PCLO: variants seen among roughly 807,000 people sequenced by gnomAD.
PCLO encodes the protein piccolo presynaptic cytomatrix protein.
Under a neutral mutation model 427.5 loss-of-function variants are expected in PCLO, and 82 were observed. That is an observed-to-expected ratio of 0.19 (90% CI 0.16 to 0.23). PCLO has a LOEUF of 0.23. Among genes scored for constraint, PCLO ranks in the 10% least tolerant of loss-of-function variants. PCLO has a pLI of 1.00. For missense variants in PCLO, 6,239 were observed against 6,115.9 expected (o/e 1.02, Z -0.67); for synonymous variants, 2,357 against 2,155.4 (o/e 1.09, Z -2.59).
intron 3 of PCLO, among the ~76,000 whole-genome samples, chr7:83,084,027 AGATGAAGGCTG>A (rs1460782967): frequency 6.6e-6 from 1 of 152,160 alleles, no homozygotes; most frequent in Non-Finnish European, 1.5e-5. Flanking sequence ...GGAAAGATGA[AGATGAAGGCTG>A]GATGAAGATG....
intron 3 of PCLO, among the ~76,000 whole-genome samples, chr7:83,046,943 T>G (rs1789118684): frequency 1.3e-5 from 2 of 152,030 alleles, no homozygotes; most frequent in South Asian, 4.1e-4. Flanking sequence ...ACAAACTTAT[T>G]GAAGTAGCAC....
intron 10 of PCLO, among the ~76,000 whole-genome samples, chr7:82,864,871 A>C (rs1414723529): frequency 6.6e-6 from 1 of 152,192 alleles, no homozygotes; most frequent in African/African-American, 2.4e-5. Context: ...ATGAAATAAA[A>C]TTTTCAGAAA....
At chr7:83,092,069 G>A (rs973847740) in intron 3 of PCLO, among the ~76,000 whole-genome samples, 2 of 152,038 alleles carry the variant, frequency 1.3e-5, no homozygotes, top group African/African-American at 4.8e-5. Flanking sequence ...GAGAGAGAGA[G>A]GATAGAGAAT....
intron 10 of PCLO, chr7:82,848,966 A>G: frequency 2.9e-6 from 1 of 350,406 alleles, no homozygotes; most frequent in South Asian, 2.3e-5. Flanking sequence ...AGACAGTGAC[A>G]ACAACACTAA....
At chr7:82,990,500 T>C (rs1796353383) in intron 3 of PCLO, among the ~76,000 whole-genome samples, 1 of 152,120 alleles carries the variant, frequency 6.6e-6, no homozygotes, top group South Asian at 2.1e-4. Flanking sequence ...TGGTTCAGAT[T>C]AAGTTTTTAC....
At chr7:82,929,008 A>G (rs1026847503) in intron 6 of PCLO, among the ~76,000 whole-genome samples, 1 of 152,136 alleles carries the variant, frequency 6.6e-6, no homozygotes, top group African/African-American at 2.4e-5. Flanking sequence ...ACTGAGATAC[A>G]AGGTAGTTGT....
chr7:82,904,348 C>A (rs746990892), intron 8 of PCLO, among the ~76,000 whole-genome samples: 2 of 151,784 alleles, frequency 1.3e-5, no homozygotes, highest in Non-Finnish European at 2.9e-5. Flanking sequence ...GCCCTCCCCA[C>A]ATCTTTTTCT....
rs1416788383 is a variant in PCLO, at chr7:82,952,505, T to C, written c.8448A>G (p.Ala2816=). ...GGAGTGGTGTTGTCATTGCATGTTC[T>C]GCACCCACTAGGCTTTCTGTGCCTG... The part of the protein sequence containing the change: ...YTTGTESLVG[A]EHAMTTPLQL... The change falls in exon 5 of 25, where the codon GCA becomes GCG. Residue 2816 remains alanine (A), a synonymous_variant. Transcript: ENST00000333891. The C allele has an allele frequency of 6.2e-7, 1 of 1,613,962 alleles. No individual in the cohort carries two copies. The highest frequency in any genetic ancestry group is 1.7e-5 in the Admixed American group (1 of 60,026).
In PCLO at chr7:83,104,806, T is replaced by C. The variant is rs150554680; in HGVS notation, c.3300+29444A>G. ...AGAAAGAAGTGACACAACTATGCCA[T>C]AGATCAAAACAAAGACCTGGAAAAA... On this transcript the variant is annotated intron_variant, in intron 3 of 24. Transcript: ENST00000333891. 1.8e-4 allele frequency among the ~76,000 whole-genome samples: 27 copies of C among 152,238 alleles called. No homozygotes were observed. The East Asian group carries it at 2.7e-3, about 15-fold the overall frequency.
chr7:82,929,358 T>C lies in PCLO; in HGVS notation c.11113-12485A>G, dbSNP rs142269709. Reference sequence around the variant, plus strand: ...GATACTGAAATATAGAGGCAGTATATAACTTAGCCAAACTTGCGTCACTCC... The same window carrying C: ...GATACTGAAATATAGAGGCAGTATACAACTTAGCCAAACTTGCGTCACTCC... On this transcript the variant is annotated intron_variant, in intron 6 of 24. Coordinates refer to ENST00000333891, the MANE Select transcript of PCLO (RefSeq NM_033026.6). 3.1e-3 allele frequency among the ~76,000 whole-genome samples: 472 copies of C among 152,264 alleles called. 2 individuals are homozygous for C. Among genetic ancestry groups the C allele is most frequent in the African/African-American group, 0.011 (454 of 41,562 alleles).
At chr7:82,794,743 G>A (rs1283430181) in intron 22 of PCLO, among the ~76,000 whole-genome samples, 2 of 151,668 alleles carry the variant, frequency 1.3e-5, no homozygotes, top group African/African-American at 4.8e-5. Context: ...CAAAGTGCTA[G>A]GACTAGAGAC....
chr7:82,890,150 G>A (rs1331177628), intron 9 of PCLO, among the ~76,000 whole-genome samples: 1 of 151,968 alleles, frequency 6.6e-6, no homozygotes, highest in Non-Finnish European at 1.5e-5. Flanking sequence ...CAAGCTGAGA[G>A]CGAGGTGGGC....
chr7:82,825,197 T>G (rs904102332), intron 18 of PCLO, among the ~76,000 whole-genome samples: 2 of 152,108 alleles, frequency 1.3e-5, no homozygotes, highest in Non-Finnish European at 2.9e-5. Flanking sequence ...AGTACATTGG[T>G]GCATTTTACA....
chr7:82,924,030 C>T (rs555015379), intron 6 of PCLO, among the ~76,000 whole-genome samples: 130 of 152,064 alleles, frequency 8.5e-4, no homozygotes, highest in African/African-American at 3.1e-3. Flanking sequence ...CACTCATGCA[C>T]GTGATATACT....
intron 3 of PCLO, among the ~76,000 whole-genome samples, chr7:83,090,954 C>T (rs981525635): frequency 6.6e-6 from 1 of 151,994 alleles, no homozygotes; most frequent in African/African-American, 2.4e-5. Context: ...AATTTATATA[C>T]AGTGTACTTT....
chr7:82,856,428 G>C (rs187246718), intron 10 of PCLO, among the ~76,000 whole-genome samples: 254 of 152,198 alleles, frequency 1.7e-3, no homozygotes, highest in African/African-American at 5.8e-3. Flanking sequence ...ATCCAGTCCA[G>C]TATTTCCTTG....
intron 3 of PCLO, among the ~76,000 whole-genome samples, chr7:83,000,294 AG>A (rs1562910237): frequency 7.9e-4 from 23 of 29,248 alleles, no homozygotes; most frequent in African/African-American, 1.1e-3. Flanking sequence ...AGAGAGAGAG[AG>A]AGAGAGAGAG....
intron 2 of PCLO, among the ~76,000 whole-genome samples, chr7:83,139,502 T>C (rs547507979): frequency 1.3e-5 from 2 of 152,316 alleles, no homozygotes; most frequent in Non-Finnish European, 2.9e-5. Flanking sequence ...TTTTATACTA[T>C]CTTTATTCCA....
chr7:83,155,568 G>T lies in PCLO; in HGVS notation c.1073C>A (p.Thr358Lys). The T allele has an allele frequency of 6.2e-7, 1 of 1,610,856 alleles. No homozygotes were observed. Among genetic ancestry groups the T allele is most frequent in the Non-Finnish European group, 8.5e-7 (1 of 1,177,982 alleles). Residue 358 changes from threonine to lysine, a missense_variant, in exon 2 of 25, where the codon ACA (threonine) becomes AAA (lysine). Thr to Lys is a moderately conservative substitution (Grantham distance 78, BLOSUM62 -1). Transcript: ENST00000333891. ...TVKPPVQPPG[T>K]TKPPAQPLGP... Reference sequence around the variant, plus strand: ...AAGAGGCTGAGCTGGAGGCTTTGTTGTCCCTGGTGGCTGGACTGGGGGTTT... The same window carrying T: ...AAGAGGCTGAGCTGGAGGCTTTGTTTTCCCTGGTGGCTGGACTGGGGGTTT...
Sources: gnomAD v4.1 joint callset for allele counts (sites outside exome capture counted in the v4.1 genomes callset) on GRCh38, gnomAD v4.1.1 for gene constraint, MANE v1.5 for transcripts, NCBI Gene and HGNC (gene_info 2026-07-23, HGNC 2026-07-21) for gene names.